The following MCM8 variants were observed in gnomAD, a reference collection of about 807,000 sequenced individuals.
MCM8 encodes minichromosome maintenance 8 homologous recombination repair factor, also known as DNA helicase MCM8.
MCM8 carries 85 observed loss-of-function variants against 98.9 expected under a neutral mutation model. The observed-to-expected ratio is 0.86, with a 90% CI of 0.72 to 1.03. The LOEUF is 1.03. Ranked by LOEUF, MCM8 falls within the 50% of genes least tolerant of loss-of-function variation. The pLI is 0.00. For missense variants in MCM8, 951 were observed against 997.8 expected, an observed-to-expected ratio of 0.95 and a Z score of 0.63; for synonymous variants, 352 against 338.6, an observed-to-expected ratio of 1.04 and a Z score of -0.44.
At chr20:5,963,424 A>G in intron 8 of MCM8, 65 bp downstream of exon 8, 1 of 1,148,318 alleles carries the variant, frequency 8.7e-7, no homozygotes, top group Non-Finnish European at 1.3e-6. Flanking sequence ...AAAATCCATA[A>G]TTTTACTGTA....
chr20:5,974,030 T>A (rs934413640), intron 12 of MCM8, among the ~76,000 whole-genome samples: 21 of 152,202 alleles, frequency 1.4e-4, no homozygotes, highest in Admixed American at 1.4e-3. Flanking sequence ...CAGAGCCTAG[T>A]GGTTTTCCTT....
intron 14 of MCM8, among the ~76,000 whole-genome samples, chr20:5,983,950 C>T (rs532493343): frequency 4.6e-4 from 70 of 152,264 alleles, no homozygotes; most frequent in African/African-American, 6.3e-4. Context: ...ATTATGAGAA[C>T]GAAAGTGGCT....
At position 5,973,067 on chromosome 20, in the gene MCM8, A is replaced by G; in HGVS notation, c.1266A>G (p.Ala422=). The change falls in exon 12 of 19, where the codon GCA becomes GCG. Residue 422 remains alanine, a synonymous_variant. Coordinates refer to ENST00000610722, the MANE Select transcript of MCM8 (RefSeq NM_032485.6). ...PVIFGHELVK[A]GLALALFGGS... is the part of the protein sequence containing the mutation. ...TTTTCGCACTTGAGCTTGTTAAAGC[A>G]GGTTTGGCATTAGCACTCTTTGGAG... 2 of 1,614,066 alleles carry G rather than the reference A, an allele frequency of 1.2e-6. No individual in the cohort carries two copies. Among genetic ancestry groups the G allele is most frequent in the Non-Finnish European group, 1.7e-6 (2 of 1,179,922 alleles).
At chr20:5,977,533 T>C (rs1488892442) in intron 12 of MCM8, among the ~76,000 whole-genome samples, 1 of 152,244 alleles carries the variant, frequency 6.6e-6, no homozygotes, top group Non-Finnish European at 1.5e-5. Flanking sequence ...TTAAAATTGG[T>C]ACTCATGTTT....
chr20:5,990,783 A>C (rs1409143763), intron 17 of MCM8, among the ~76,000 whole-genome samples: 1 of 152,204 alleles, frequency 6.6e-6, no homozygotes, highest in Non-Finnish European at 1.5e-5. Flanking sequence ...TATAAAAAAA[A>C]CAAAGACCAA....
At chr20:5,962,338 A>C (rs1230753147) in intron 7 of MCM8, among the ~76,000 whole-genome samples, 2 of 142,212 alleles carry the variant, frequency 1.4e-5, no homozygotes, top group Admixed American at 7.4e-5. Context: ...AGGAGAAGGA[A>C]TTAGCCTTCA....
At chr20:5,969,548 C>T (rs952542154) in intron 10 of MCM8, among the ~76,000 whole-genome samples, 12 of 149,846 alleles carry the variant, frequency 8.0e-5, no homozygotes, top group African/African-American at 2.7e-4. Context: ...TCTGAAATCG[C>T]GCCACTGCAC....
intron 7 of MCM8, among the ~76,000 whole-genome samples, chr20:5,962,367 T>TTC (rs2089169003): frequency 1.8e-5 from 1 of 55,034 alleles, no homozygotes; most frequent in Non-Finnish European, 2.7e-5. Flanking sequence ...TTTTTTTTTT[T>TTC]TTTTTTTTTT....
chr20:5,982,849 T>G (rs2089655749), intron 13 of MCM8, 121 bp from the exon 14 acceptor site: 2 of 826,508 alleles, frequency 2.4e-6, no homozygotes, highest in Admixed American at 6.2e-5. Flanking sequence ...GTATGACATT[T>G]TATAATTTTA....
intron 13 of MCM8, among the ~76,000 whole-genome samples, chr20:5,982,478 G>T (rs1600294824): frequency 6.6e-6 from 1 of 152,204 alleles, no homozygotes; most frequent in Middle Eastern, 3.4e-3. Flanking sequence ...GTTAGTGGTG[G>T]TGCATTGTAT....
intron 10 of MCM8, among the ~76,000 whole-genome samples, 179 bp from the exon 11 acceptor site, chr20:5,971,828 A>G (rs1241446604): frequency 6.6e-6 from 1 of 152,214 alleles, no homozygotes; most frequent in African/African-American, 2.4e-5. Context: ...TCTAACCTTT[A>G]TAGATTAACC....
chr20:5,958,423 G>A (rs1452710110), intron 6 of MCM8, 105 bp from the exon 7 acceptor site: 2 of 816,164 alleles, frequency 2.5e-6, no homozygotes, highest in South Asian at 3.3e-5. Context: ...CTGATATATC[G>A]AAGGGATGAT....
rs555981380 is a variant in MCM8, at chr20:5,967,789, T to A, written c.1028-41T>A. 2.0e-6 allele frequency: 3 copies of A among 1,515,064 alleles called. No homozygotes were observed. The East Asian group carries it at 6.8e-5, about 34-fold the overall frequency. 93.9% of individuals were successfully genotyped at this position (1,515,064 alleles called of 1,614,324 possible). ...TCTAGTTGAGTCATTGTAGGGAAAA[T>A]GAAAATACCAACTATTGTATTTAAC... is the stretch of plus-strand genomic sequence containing the variant. On this transcript the variant is annotated intron_variant, in intron 9 of 18. Coordinates refer to ENST00000610722, the MANE Select transcript of MCM8 (RefSeq NM_032485.6).
chr20:5,976,214 C>T (rs1242198326), intron 12 of MCM8, among the ~76,000 whole-genome samples: 3 of 152,072 alleles, frequency 2.0e-5, no homozygotes, highest in African/African-American at 7.2e-5. Flanking sequence ...ATCACTTGAG[C>T]CTAGAAGTTT....
At chr20:5,991,824 C>A (rs2089858648) in intron 17 of MCM8, among the ~76,000 whole-genome samples, 1 of 152,130 alleles carries the variant, frequency 6.6e-6, no homozygotes, top group South Asian at 2.1e-4. Context: ...GTAAAGTTGA[C>A]CTTAGTAATG....
rs1030426682 is a variant in MCM8 at position 5,950,672 on chromosome 20, A to G, written c.-357A>G. The G allele has an allele frequency of 5.2e-6, 2 of 387,922 alleles. No homozygotes were observed. The highest frequency in any genetic ancestry group is 4.1e-5 in the East Asian group (1 of 24,372). The allele number at this position is 387,922 out of a possible 1,614,324, so 24.0% of individuals were successfully genotyped here. On this transcript the variant is annotated 5_prime_UTR_variant, in exon 1 of 19. Transcript: ENST00000610722. ...CGCTTCTTTGAGCGGAAGTTGGATCACTGAAGCGCCAAAAAAGAATTTAGG... is the reference window on the plus strand; with the variant it reads ...CGCTTCTTTGAGCGGAAGTTGGATCGCTGAAGCGCCAAAAAAGAATTTAGG...
intron 7 of MCM8, among the ~76,000 whole-genome samples, chr20:5,959,930 C>A (rs2089098491): frequency 6.6e-6 from 1 of 152,044 alleles, no homozygotes. Context: ...AACTCCTGAC[C>A]TGGTGATCCG....
intron 17 of MCM8, among the ~76,000 whole-genome samples, chr20:5,993,013 G>T (rs906877697): frequency 1.2e-4 from 19 of 152,124 alleles, no homozygotes; most frequent in Admixed American, 2.0e-4. Context: ...AAGAAATCTG[G>T]CAGTAATAGG....
intron 4 of MCM8, 118 bp downstream of exon 4, chr20:5,954,808 C>G (rs1234244200): frequency 4.7e-6 from 3 of 637,262 alleles, no homozygotes; most frequent in Non-Finnish European, 8.2e-6. Flanking sequence ...GACCTCAGTT[C>G]TGCCACTTAC....
Sources: gnomAD v4.1 joint callset for allele counts (sites outside exome capture counted in the v4.1 genomes callset) on GRCh38, gnomAD v4.1.1 for gene constraint, MANE v1.5 for transcripts, NCBI Gene and HGNC (gene_info 2026-07-23, HGNC 2026-07-21) for gene names.